TMEM45B: variants seen among roughly 807,000 people sequenced by gnomAD.
TMEM45B encodes the protein transmembrane protein 45B.
Under a neutral mutation model 27.3 loss-of-function variants are expected in TMEM45B, and 29 were observed. The observed-to-expected ratio is 1.06, with a 90% CI of 0.79 to 1.45. The LOEUF is 1.45. Among genes scored for constraint, TMEM45B ranks in the 40% most tolerant of loss-of-function variants. TMEM45B has a pLI of 0.00. For missense variants in TMEM45B, 348 were observed against 343.9 expected (o/e 1.01, Z -0.09); for synonymous variants, 143 against 134.7 (o/e 1.06, Z -0.43).
chr11:129,839,193 G>A (rs1947660402), intron 1 of TMEM45B, among the ~76,000 whole-genome samples: 1 of 152,176 alleles, frequency 6.6e-6, no homozygotes, highest in Admixed American at 6.6e-5. Context: ...AAAAGGAACA[G>A]TTGCCCAAAC....
At chr11:129,819,068 C>A (rs1947385911) in intron 1 of TMEM45B, among the ~76,000 whole-genome samples, 1 of 152,198 alleles carries the variant, frequency 6.6e-6, no homozygotes, top group Admixed American at 6.5e-5. Context: ...TGCCTATGGA[C>A]CTTCTGTTCT....
chr11:129,822,777 G>A (rs1167319479), intron 1 of TMEM45B, among the ~76,000 whole-genome samples: 2 of 151,396 alleles, frequency 1.3e-5, no homozygotes, highest in Admixed American at 1.3e-4. Context: ...TTGACTACAT[G>A]TACAACTAAT....
intron 1 of TMEM45B, among the ~76,000 whole-genome samples, chr11:129,833,297 T>A (rs1308215511): frequency 6.6e-6 from 1 of 150,706 alleles, no homozygotes; most frequent in Non-Finnish European, 1.5e-5. Flanking sequence ...AATTGATGAA[T>A]GGATAAATAA....
chr11:129,855,962 A>G, intron 4 of TMEM45B, 70 bp downstream of exon 4: 1 of 1,559,034 alleles, frequency 6.4e-7, no homozygotes, highest in African/African-American at 1.4e-5. Flanking sequence ...TCCCAGAGAA[A>G]TCCCTGACGA....
At chr11:129,841,150 A>C (rs1591443296) in intron 1 of TMEM45B, among the ~76,000 whole-genome samples, 1 of 152,058 alleles carries the variant, frequency 6.6e-6, no homozygotes, top group African/African-American at 2.4e-5. Context: ...GGCTGCTCCC[A>C]TCACCCCCCA....
chr11:129,842,085 T>C (rs690917), intron 1 of TMEM45B, among the ~76,000 whole-genome samples: 93,236 of 152,036 alleles, frequency 0.61, 28,651 homozygotes, highest in Admixed American at 0.68. Context: ...GTGGAAGAAC[T>C]AGTGAACATG....
intron 1 of TMEM45B, among the ~76,000 whole-genome samples, chr11:129,825,198 G>A (rs1332684115): frequency 1.3e-5 from 2 of 152,184 alleles, no homozygotes; most frequent in Non-Finnish European, 2.9e-5. Context: ...GACCAAATGA[G>A]ATCATTGCTG....
chr11:129,842,057 A>G (rs919964707), intron 1 of TMEM45B, among the ~76,000 whole-genome samples: 7 of 152,250 alleles, frequency 4.6e-5, no homozygotes, highest in African/African-American at 7.2e-5. Context: ...GATGGGCTCA[A>G]TAGCAGATTT....
intron 1 of TMEM45B, among the ~76,000 whole-genome samples, chr11:129,841,549 G>GGGTTGGAA (rs1406263284): frequency 6.6e-6 from 1 of 151,724 alleles, no homozygotes; most frequent in African/African-American, 2.4e-5. Context: ...GGACTGACAG[G>GGGTTGGAA]GGTTGGAAGT....
rs1947463223 is a variant in TMEM45B at position 129,825,153 on chromosome 11, G to A, written c.-9+9255G>A. 1.3e-5 allele frequency among the ~76,000 whole-genome samples: 2 copies of A among 152,200 alleles called. 1 individual carries two copies. Among genetic ancestry groups the A allele is most frequent in the South Asian group, 4.1e-4 (2 of 4,828 alleles). On this transcript the variant is annotated intron_variant, in intron 1 of 5. Transcript: ENST00000281441. Reference sequence around the variant, plus strand: ...GAAGAATTCATGGACAGCAGGACTAGAGGCCTCGCAGTGTTTAGGAAAAAG... The same window carrying A: ...GAAGAATTCATGGACAGCAGGACTAAAGGCCTCGCAGTGTTTAGGAAAAAG...
rs1204888308 is a variant in TMEM45B at position 129,857,386 on chromosome 11, T to C, written c.644T>C (p.Ile215Thr). ...AAGGATGATGCCAACCTCATGTTCATCACCATGTGCTTCTGCTGGCACTAC... is the reference window on the plus strand; with the variant it reads ...AAGGATGATGCCAACCTCATGTTCACCACCATGTGCTTCTGCTGGCACTAC... ...DQKDDANLMF[I>T]TMCFCWHYLA... Residue 215 changes from isoleucine to threonine, a missense_variant, in exon 5 of 6, where the codon ATC becomes ACC. Physicochemically the swap from Ile to Thr is moderately conservative, Grantham distance 89. Transcript: ENST00000281441. The C allele has an allele frequency of 1.4e-5, 22 of 1,614,206 alleles. No homozygotes were observed. The highest frequency in any genetic ancestry group is 1.9e-5 in the Non-Finnish European group (22 of 1,180,034).
chr11:129,829,185 C>G (rs1947520639), intron 1 of TMEM45B, among the ~76,000 whole-genome samples: 1 of 152,196 alleles, frequency 6.6e-6, no homozygotes, highest in Non-Finnish European at 1.5e-5. Flanking sequence ...AGGTCTGACA[C>G]TACATAGTTC....
At chr11:129,845,289 G>C (rs1392276155) in intron 1 of TMEM45B, among the ~76,000 whole-genome samples, 1 of 145,564 alleles carries the variant, frequency 6.9e-6, no homozygotes, top group Non-Finnish European at 1.5e-5. Context: ...GTGTGTGTGT[G>C]TGTGTGTGTA....
At chr11:129,846,891 G>A (rs1260311675) in intron 1 of TMEM45B, among the ~76,000 whole-genome samples, 1 of 152,204 alleles carries the variant, frequency 6.6e-6, no homozygotes, top group Non-Finnish European at 1.5e-5. Context: ...AGCAGGAATG[G>A]AGTGTTCTCA....
chr11:129,856,778 T>C (rs1281588339), intron 4 of TMEM45B, among the ~76,000 whole-genome samples: 2 of 151,502 alleles, frequency 1.3e-5, no homozygotes, highest in African/African-American at 2.4e-5. Context: ...CCAGGATGGT[T>C]TCAATCTCCT....
Position 129,855,817 on chromosome 11 carries a change from G to A in TMEM45B, c.495G>A (p.Val165=), listed in dbSNP as rs532840639. The A allele has an allele frequency of 1.9e-6, 3 of 1,614,124 alleles. No individual in the cohort carries two copies. The highest frequency in any genetic ancestry group is 2.2e-5 in the East Asian group (1 of 44,864). The change falls in exon 4 of 6, where the codon GTG becomes GTA. Residue 165 remains valine, a synonymous_variant. Coordinates refer to ENST00000281441, the MANE Select transcript of TMEM45B (RefSeq NM_138788.5). The part of the protein sequence containing the change: ...FGGCVSISLE[V]IFRDHIVLEL... ...GGTGTGTTAGTATCTCCCTAGAGGT[G>A]ATCTTCCGGGACCACATTGTGCTGG...
chr11:129,858,827 T>TA lies in TMEM45B; in HGVS notation c.*143dup, dbSNP rs1947968591. Reference sequence around the variant, plus strand: ...TCATTCAACACAGGGCTGGAGGTTCTACAACAGGAAATCAGGCCTACAGCA... The same window carrying TA: ...TCATTCAACACAGGGCTGGAGGTTCTAACAACAGGAAATCAGGCCTACAGCA... On this transcript the variant is annotated 3_prime_UTR_variant, in exon 6 of 6. Coordinates refer to ENST00000281441, the MANE Select transcript of TMEM45B (RefSeq NM_138788.5). 1 of 566,986 alleles carries TA rather than the reference T, an allele frequency of 1.8e-6. No individual in the cohort carries two copies. Among genetic ancestry groups the TA allele is most frequent in the Admixed American group, 3.4e-5 (1 of 29,608 alleles). The allele number at this position is 566,986 out of a possible 1,614,324, so 35.1% of individuals were successfully genotyped here.
In TMEM45B at chr11:129,859,580, G is replaced by A. The variant is rs1364476007; in HGVS notation, c.*895G>A. ...CCGCGCCTATAATCCTAGCACTTTGGGAGGCCGAGGCAGGCAGATCACGGG... is the reference window on the plus strand; with the variant it reads ...CCGCGCCTATAATCCTAGCACTTTGAGAGGCCGAGGCAGGCAGATCACGGG... On this transcript the variant is annotated 3_prime_UTR_variant, in exon 6 of 6. Transcript: ENST00000281441. 1 of 152,062 alleles carries A rather than the reference G, an allele frequency of 6.6e-6. No individual in the cohort carries two copies. Among genetic ancestry groups the A allele is most frequent in the Non-Finnish European group, 1.5e-5 (1 of 68,030 alleles). 9.4% of individuals were successfully genotyped at this position (152,062 alleles called of 1,614,324 possible).
chr11:129,833,840 A>C (rs551758279), intron 1 of TMEM45B, among the ~76,000 whole-genome samples: 1 of 152,348 alleles, frequency 6.6e-6, no homozygotes, highest in South Asian at 2.1e-4. Context: ...AAATAGGGCA[A>C]AGGCGGTCAT....
Sources: allele counts gnomAD v4.1 joint callset (sites outside exome capture counted in the v4.1 genomes callset), GRCh38; gene constraint gnomAD v4.1.1; transcripts MANE v1.5; gene names NCBI Gene and HGNC (gene_info 2026-07-23, HGNC 2026-07-21).